RNASEH1: variants seen among roughly 807,000 people sequenced by gnomAD.
RNASEH1 encodes ribonuclease H1, also known as ribonuclease H type II.
RNASEH1 carries 27 observed loss-of-function variants against 34.6 expected under a neutral mutation model. The observed-to-expected ratio is 0.78, with a 90% CI of 0.58 to 1.08. RNASEH1 has a LOEUF of 1.08. Among genes scored for constraint, RNASEH1 ranks in the 50% least tolerant of loss-of-function variants. The pLI is 0.00. For synonymous variants in RNASEH1, 162 were observed against 138.4 expected (o/e 1.17, Z -1.20); for missense variants, 349 against 373.6 (o/e 0.93, Z 0.54).
chr2:3,551,582 TATAA>T (rs1484797844), intron 3 of RNASEH1, among the ~76,000 whole-genome samples: 3 of 152,268 alleles, frequency 2.0e-5, no homozygotes, highest in African/African-American at 7.2e-5. Flanking sequence ...AATTAGAACC[TATAA>T]ATATACTGAT....
chr2:3,552,292 ATGT>A lies in RNASEH1; in HGVS notation c.258_260del (p.Gln86del), dbSNP rs760479170. On this transcript the variant is annotated inframe_deletion, in exon 3 of 8. Transcript: ENST00000315212. ...TGGCTTTCGCCTCCGATTCTTGTCC[ATGT>A]TGATTTTCATGCCCTGAAAGACAAG... is the stretch of plus-strand genomic sequence containing the variant. 294 of 1,613,276 alleles carry A rather than the reference ATGT, an allele frequency of 1.8e-4. 1 individual carries two copies. In the Middle Eastern group the frequency reaches 4.1e-3, roughly 23 times the overall value.
chr2:3,548,496 C>T (rs1668970861), intron 6 of RNASEH1, 144 bp downstream of exon 6: 1 of 606,850 alleles, frequency 1.6e-6, no homozygotes, highest in African/African-American at 1.8e-5. Flanking sequence ...AGGGAGACTC[C>T]AAAATCCTCA....
chr2:3,534,882 G>A, the RNASEH1 span, among the ~76,000 whole-genome samples: 1 of 152,222 alleles, frequency 6.6e-6, no homozygotes, highest in African/African-American at 2.4e-5. Context: ...AGGACATTAG[G>A]GTCAGTGAAA....
rs1360987465 is a variant in RNASEH1 at position 3,544,217 on chromosome 2, G to C, written c.*1568C>G. Among the ~76,000 whole-genome samples the C allele has an allele frequency of 6.6e-6, 1 of 152,156 alleles. No individual in the cohort carries two copies. The highest frequency in any genetic ancestry group is 1.5e-5 in the Non-Finnish European group (1 of 68,036). ...GCTGCCGTCAACATGGTACTTTCCT[G>C]AGGAAAGCTCCTAACCGCCTGTTCT... On this transcript the variant is annotated 3_prime_UTR_variant, in exon 8 of 8. Coordinates refer to ENST00000315212, the MANE Select transcript of RNASEH1 (RefSeq NM_002936.6).
chr2:3,549,835 A>G (rs534017143), intron 4 of RNASEH1, among the ~76,000 whole-genome samples: 3 of 151,906 alleles, frequency 2.0e-5, no homozygotes, highest in African/African-American at 7.2e-5. Context: ...AGTCCCAGCT[A>G]CTCGGGAGGG....
chr2:3,548,159 C>CT, intron 6 of RNASEH1, 104 bp from the exon 7 acceptor site: 1 of 1,338,506 alleles, frequency 7.5e-7, no homozygotes, highest in Non-Finnish European at 1.1e-6. Context: ...TTCTGAGTCA[C>CT]CATCCTTGAC....
intron 7 of RNASEH1, 22 bp from the exon 8 acceptor site, chr2:3,545,893 T>C: frequency 1.3e-6 from 2 of 1,557,828 alleles, no homozygotes; most frequent in Non-Finnish European, 1.8e-6. Flanking sequence ...AATGTTTTCC[T>C]TTTATTTTTA....
At chr2:3,550,239 C>T in intron 4 of RNASEH1, 134 bp downstream of exon 4, 1 of 744,202 alleles carries the variant, frequency 1.3e-6, no homozygotes, top group Admixed American at 1.8e-5. Context: ...CGAACCAAAG[C>T]TGCTCCTCTG....
chr2:3,550,914 C>T (rs1357690444), intron 3 of RNASEH1, among the ~76,000 whole-genome samples: 1 of 152,244 alleles, frequency 6.6e-6, no homozygotes, highest in Non-Finnish European at 1.5e-5. Context: ...CTAATTTCTT[C>T]CCTGGCATAT....
the RNASEH1 span, chr2:3,534,322 G>A: frequency 0.18 from 25,326 of 144,378 alleles, 2,321 homozygotes; most frequent in Admixed American, 0.25. Context: ...GCTGAGCAGT[G>A]GAGGAGAAGA....
the RNASEH1 span, among the ~76,000 whole-genome samples, chr2:3,535,409 AGAGT>A: frequency 6.7e-6 from 1 of 148,490 alleles, no homozygotes; most frequent in South Asian, 2.1e-4. Flanking sequence ...CCTGCGTGAC[AGAGT>A]GAGACTATCC....
intron 2 of RNASEH1, among the ~76,000 whole-genome samples, chr2:3,556,051 G>A (rs923297179): frequency 1.3e-5 from 2 of 152,174 alleles, no homozygotes; most frequent in East Asian, 3.9e-4. Context: ...GCACGCACCT[G>A]TAATCCCAGC....
At chr2:3,551,900 T>C (rs1217446473) in intron 3 of RNASEH1, among the ~76,000 whole-genome samples, 1 of 152,262 alleles carries the variant, frequency 6.6e-6, no homozygotes, top group Non-Finnish European at 1.5e-5. Context: ...CAGGGAATAC[T>C]AGTATTTCAA....
chr2:3,546,799 TATTG>T, intron 7 of RNASEH1, among the ~76,000 whole-genome samples: 1 of 152,308 alleles, frequency 6.6e-6, no homozygotes, highest in East Asian at 1.9e-4. Flanking sequence ...TTGACATGAT[TATTG>T]ATTTAGTTGT....
chr2:3,535,623 G>A, the RNASEH1 span, among the ~76,000 whole-genome samples: 16 of 152,220 alleles, frequency 1.1e-4, no homozygotes, highest in African/African-American at 3.9e-4. Flanking sequence ...GAGTTGGCAA[G>A]TGCAGGTGAG....
In RNASEH1 at chr2:3,541,879, T is replaced by C. The variant is rs891210316; in HGVS notation, c.*3906A>G. ...TTTAAAAAGCAAGGTGGGGCCGGCT[T>C]TGGTGGCTCACACCTGTAATCCCAG... On this transcript the variant is annotated 3_prime_UTR_variant, in exon 8 of 8. Coordinates refer to ENST00000315212, the MANE Select transcript of RNASEH1 (RefSeq NM_002936.6). 2.0e-5 allele frequency among the ~76,000 whole-genome samples: 3 copies of C among 152,096 alleles called. No individual in the cohort carries two copies. The highest frequency in any genetic ancestry group is 4.8e-5 in the African/African-American group (2 of 41,406).
chr2:3,532,745 T>A, the RNASEH1 span, among the ~76,000 whole-genome samples: 1 of 152,192 alleles, frequency 6.6e-6, no homozygotes, highest in African/African-American at 2.4e-5. Context: ...ATGCAGTGCA[T>A]GATTGCATGT....
At chr2:3,557,875 T>A in intron 1 of RNASEH1, 1 of 1,481,652 alleles carries the variant, frequency 6.7e-7, no homozygotes, top group Non-Finnish European at 9.1e-7. Flanking sequence ...AAACACAGGG[T>A]TTATTAGGCC....
downstream of RNASEH1, among the ~76,000 whole-genome samples, chr2:3,538,957 A>G (rs966195761): frequency 1.3e-5 from 2 of 152,224 alleles, no homozygotes; most frequent in African/African-American, 4.8e-5. Flanking sequence ...TCTCGTGAGT[A>G]AAGCCGAGCA....
Sources: allele counts gnomAD v4.1 joint callset (sites outside exome capture counted in the v4.1 genomes callset), GRCh38; gene constraint gnomAD v4.1.1; transcripts MANE v1.5; gene names NCBI Gene and HGNC (gene_info 2026-07-23, HGNC 2026-07-21).